The following SLC22A15 variants were observed in gnomAD, a reference collection of about 807,000 sequenced individuals.
SLC22A15 encodes solute carrier family 22 member 15.
Under a neutral mutation model 62.7 loss-of-function variants are expected in SLC22A15, and 45 were observed. The ratio of observed to expected loss-of-function variants is 0.72; its 90% CI spans 0.56 to 0.92. The LOEUF (loss-of-function observed/expected upper bound fraction) is 0.92. Ranked by LOEUF, SLC22A15 falls within the 40% of genes least tolerant of loss-of-function variation. SLC22A15 has a pLI of 0.00. For synonymous variants in SLC22A15, 264 were observed against 267.0 expected (o/e 0.99, Z 0.11); for missense variants, 622 against 665.6 (o/e 0.93, Z 0.72).
intron 7 of SLC22A15, among the ~76,000 whole-genome samples, chr1:116,036,995 G>T (rs900949677): frequency 2.0e-5 from 3 of 152,132 alleles, no homozygotes; most frequent in Non-Finnish European, 4.4e-5. Flanking sequence ...GATTAAATAA[G>T]ATAATAGATG....
intron 2 of SLC22A15, 108 bp downstream of exon 2, chr1:115,992,351 T>C (rs1655188871): frequency 2.1e-6 from 2 of 972,552 alleles, no homozygotes; most frequent in African/African-American, 1.6e-5. Context: ...CAAATAACTT[T>C]CTAGTAAATT....
intron 1 of SLC22A15, among the ~76,000 whole-genome samples, chr1:115,988,606 C>T (rs7550286): frequency 0.024 from 3,705 of 152,184 alleles, 154 homozygotes; most frequent in African/African-American, 0.085. Flanking sequence ...TTGCAACCTC[C>T]GTCTCCTGGG....
chr1:116,053,624 G>A (rs1358360751), intron 8 of SLC22A15, among the ~76,000 whole-genome samples: 3 of 152,152 alleles, frequency 2.0e-5, no homozygotes, highest in Non-Finnish European at 4.4e-5. Flanking sequence ...AAGTTGAAAT[G>A]AAGGAAAAAA....
At chr1:116,031,619 A>C (rs1570753321) in intron 6 of SLC22A15, 38 bp downstream of exon 6, 3 of 1,606,060 alleles carry the variant, frequency 1.9e-6, no homozygotes, top group Non-Finnish European at 2.6e-6. Flanking sequence ...CTCTTTAACT[A>C]AGGTTGCTCG....
chr1:115,993,392 C>T (rs913550930), intron 2 of SLC22A15, among the ~76,000 whole-genome samples: 1 of 151,592 alleles, frequency 6.6e-6, no homozygotes, highest in Non-Finnish European at 1.5e-5. Context: ...CCACTCCTTC[C>T]TGGAAGCCAC....
chr1:116,010,242 A>G (rs1195316953), intron 2 of SLC22A15, among the ~76,000 whole-genome samples: 1 of 152,242 alleles, frequency 6.6e-6, no homozygotes, highest in Non-Finnish European at 1.5e-5. Context: ...GTTTGCAACC[A>G]AAAAGTGTAA....
intron 2 of SLC22A15, among the ~76,000 whole-genome samples, chr1:116,018,937 T>G (rs1233983805): frequency 6.6e-6 from 1 of 152,248 alleles, no homozygotes; most frequent in Non-Finnish European, 1.5e-5. Flanking sequence ...AATATTCCAC[T>G]GTATGTGCAT....
chr1:116,065,637 C>T (rs953595323), intron 10 of SLC22A15, among the ~76,000 whole-genome samples: 2 of 151,634 alleles, frequency 1.3e-5, no homozygotes, highest in Non-Finnish European at 3.0e-5. Flanking sequence ...TTCTCTCCAT[C>T]TCTCCCTTCT....
chr1:116,026,605 C>G (rs1657106073), intron 4 of SLC22A15, among the ~76,000 whole-genome samples: 1 of 152,172 alleles, frequency 6.6e-6, no homozygotes, highest in Non-Finnish European at 1.5e-5. Flanking sequence ...GTACAACAGG[C>G]AATGCAGAAA....
chr1:116,000,823 G>A (rs1370911872), intron 2 of SLC22A15, among the ~76,000 whole-genome samples: 1 of 151,722 alleles, frequency 6.6e-6, no homozygotes, highest in South Asian at 2.1e-4. Context: ...TAGTAGAGAC[G>A]GGGTTTCACT....
chr1:115,991,491 T>C (rs1354146601), intron 1 of SLC22A15, among the ~76,000 whole-genome samples: 1 of 152,212 alleles, frequency 6.6e-6, no homozygotes, highest in African/African-American at 2.4e-5. Flanking sequence ...AAATAGTGCC[T>C]ACTCTAGTAC....
At chr1:116,057,617 T>C (rs1348908068) in intron 8 of SLC22A15, among the ~76,000 whole-genome samples, 1 of 152,194 alleles carries the variant, frequency 6.6e-6, no homozygotes, top group African/African-American at 2.4e-5. Context: ...CGTATGTTTA[T>C]TGCGGCACTA....
At chr1:116,020,693 A>C in intron 3 of SLC22A15, 28 bp from the exon 4 acceptor site, 3 of 1,571,082 alleles carry the variant, frequency 1.9e-6, no homozygotes, top group Non-Finnish European at 2.6e-6. Flanking sequence ...TTGCCTCTGG[A>C]TTATTGAATA....
chr1:116,001,378 C>T (rs1341504779), intron 2 of SLC22A15, among the ~76,000 whole-genome samples: 2 of 152,132 alleles, frequency 1.3e-5, no homozygotes, highest in African/African-American at 4.8e-5. Context: ...ATCTTTCTCT[C>T]TAGGTATGGA....
chr1:115,987,258 C>T (rs191346552), intron 1 of SLC22A15, among the ~76,000 whole-genome samples: 103 of 151,528 alleles, frequency 6.8e-4, no homozygotes, highest in Admixed American at 1.6e-3. Context: ...CTCCGCCTCC[C>T]GGGTTCACGC....
At chr1:115,990,701 T>C (rs1301604045) in intron 1 of SLC22A15, among the ~76,000 whole-genome samples, 1 of 152,148 alleles carries the variant, frequency 6.6e-6, no homozygotes, top group Non-Finnish European at 1.5e-5. Flanking sequence ...TCAAAGTAGA[T>C]TGAGAATGCC....
chr1:116,033,091 C>A (rs189493696), intron 6 of SLC22A15, among the ~76,000 whole-genome samples: 187 of 152,266 alleles, frequency 1.2e-3, no homozygotes, highest in African/African-American at 2.2e-3. Context: ...TAGAGACAGT[C>A]ACTCCACATA....
At chr1:116,022,315 A>G (rs879568353) in intron 4 of SLC22A15, among the ~76,000 whole-genome samples, 2 of 152,126 alleles carry the variant, frequency 1.3e-5, no homozygotes, top group Non-Finnish European at 2.9e-5. Context: ...TCTGAATAGT[A>G]TGGCCAATTT....
At chr1:116,035,023 T>A (rs1241790186) in intron 6 of SLC22A15, among the ~76,000 whole-genome samples, 164 bp from the exon 7 acceptor site, 1 of 152,210 alleles carries the variant, frequency 6.6e-6, no homozygotes, top group African/African-American at 2.4e-5. Context: ...GTGTTGAAAT[T>A]TAGATTAAAA....
Sources: gnomAD v4.1 joint callset for allele counts (sites outside exome capture counted in the v4.1 genomes callset) on GRCh38, gnomAD v4.1.1 for gene constraint, MANE v1.5 for transcripts, NCBI Gene and HGNC (gene_info 2026-07-23, HGNC 2026-07-21) for gene names.